The following PCDHGB3 variants were observed in gnomAD, a reference collection of about 807,000 sequenced individuals.
The protein encoded by PCDHGB3 is protocadherin gamma-B3.
PCDHGB3 carries 40 observed loss-of-function variants against 59.2 expected under a neutral mutation model. The ratio of observed to expected loss-of-function variants is 0.68; its 90% CI spans 0.52 to 0.88. The LOEUF is 0.88. Among genes scored for constraint, PCDHGB3 ranks in the 40% least tolerant of loss-of-function variants. The pLI is 0.00. For synonymous variants in PCDHGB3, 581 were observed against 503.6 expected, an observed-to-expected ratio of 1.15 and a Z score of -2.06; for missense variants, 1,309 against 1,187.9, an observed-to-expected ratio of 1.10 and a Z score of -1.50.
intron 1 of PCDHGB3, chr5:141,403,259 C>T: frequency 6.2e-7 from 1 of 1,613,866 alleles, no homozygotes; most frequent in Admixed American, 1.7e-5. Context: ...CCCGCGGTGT[C>T]TGGTGAACTT....
At chr5:141,463,834 A>G (rs1212299231) in intron 1 of PCDHGB3, among the ~76,000 whole-genome samples, 4 of 152,108 alleles carry the variant, frequency 2.6e-5, no homozygotes, top group East Asian at 1.9e-4. Flanking sequence ...TCCACTTCCC[A>G]GTTGTTATAG....
intron 1 of PCDHGB3, chr5:141,382,874 G>A (rs369372304): frequency 1.6e-5 from 24 of 1,523,072 alleles, no homozygotes; most frequent in Non-Finnish European, 1.8e-6. Context: ...CGAGATCGGC[G>A]CCTAAGCAAG....
intron 3 of PCDHGB3, 124 bp from the exon 4 acceptor site, chr5:141,510,823 C>A: frequency 6.4e-7 from 1 of 1,562,432 alleles, no homozygotes. Context: ...CCTATATTCC[C>A]AGTGCTCAGC....
intron 1 of PCDHGB3, among the ~76,000 whole-genome samples, chr5:141,439,495 C>A (rs142329128): frequency 6.6e-6 from 1 of 152,206 alleles, no homozygotes; most frequent in Non-Finnish European, 1.5e-5. Context: ...CAGTGAGAAA[C>A]GTCTTTCTCT....
chr5:141,389,834 A>G, intron 1 of PCDHGB3: 2 of 1,613,988 alleles, frequency 1.2e-6, no homozygotes, highest in Non-Finnish European at 1.7e-6. Context: ...GTGGACAGCC[A>G]CCACTCTCGG....
chr5:141,378,542 TAATA>T (rs1181738762), intron 1 of PCDHGB3: 54 of 152,104 alleles, frequency 3.6e-4, no homozygotes, highest in Admixed American at 3.5e-3. Flanking sequence ...TAATGATAAT[TAATA>T]AATAAAGAGT....
intron 1 of PCDHGB3, chr5:141,378,892 G>A (rs1477205995): frequency 1.3e-5 from 2 of 152,204 alleles, no homozygotes; most frequent in Non-Finnish European, 2.9e-5. Context: ...AAGGAGATAG[G>A]AGATTCTGTT....
chr5:141,420,229 C>A (rs1206296211), intron 1 of PCDHGB3: 1 of 1,600,344 alleles, frequency 6.2e-7, no homozygotes, highest in South Asian at 1.1e-5. Flanking sequence ...TACTGGCTAG[C>A]ATTTTAACTC....
intron 1 of PCDHGB3, chr5:141,426,609 G>A (rs1026143678): frequency 5.2e-6 from 2 of 382,862 alleles, no homozygotes; most frequent in African/African-American, 4.2e-5. Flanking sequence ...AGAGATTGTA[G>A]CAGAGAATCC....
In PCDHGB3 at chr5:141,432,976, C is replaced by T; in HGVS notation, c.2415+60167C>T. 1 of 1,614,210 alleles carries T rather than the reference C, an allele frequency of 6.2e-7. No individual in the cohort carries two copies. On this transcript the variant is annotated intron_variant, in intron 1 of 3. Transcript: ENST00000576222. The surrounding 1 kb of genome is among the most constrained non-coding windows in gnomAD (Gnocchi z 6.0). Reference sequence around the variant, plus strand: ...GCTTGACAGGAGCGCCGGCGTCGCACTTTGTGGGCGTGGACGGGGTGCAGG... The same window carrying T: ...GCTTGACAGGAGCGCCGGCGTCGCATTTTGTGGGCGTGGACGGGGTGCAGG...
intron 1 of PCDHGB3, chr5:141,402,899 G>A: frequency 6.6e-7 from 1 of 1,516,814 alleles, no homozygotes; most frequent in Non-Finnish European, 8.8e-7. Context: ...GAAAGAACCT[G>A]ATGAAGCAGC....
intron 1 of PCDHGB3, chr5:141,399,746 C>G (rs1478736881): frequency 2.5e-6 from 4 of 1,613,242 alleles, no homozygotes; most frequent in African/African-American, 2.7e-5. Context: ...GCGCTCAGCG[C>G]AAACGTGAGC....
At chr5:141,404,795 G>C (rs769293241) in intron 1 of PCDHGB3, 4 of 1,614,042 alleles carry the variant, frequency 2.5e-6, no homozygotes, top group Admixed American at 1.7e-5. Flanking sequence ...CAGTGAGCCA[G>C]GGCTCTTCTC....
chr5:141,403,465 G>A, intron 1 of PCDHGB3: 1 of 1,614,018 alleles, frequency 6.2e-7, no homozygotes, highest in Non-Finnish European at 8.5e-7. Context: ...AGAGCTACCA[G>A]CTCAGCCCCA....
At chr5:141,391,727 TTTGTAGTCATACTTA>T (rs1212107227) in intron 1 of PCDHGB3, 1 of 152,206 alleles carries the variant, frequency 6.6e-6, no homozygotes. Context: ...AACAGACTTT[TTTGTAGTCATACTTA>T]TCCTTTGGCT....
chr5:141,490,467 C>T lies in PCDHGB3; in HGVS notation c.2416-4340C>T. ...AGAACCACTACTCGCTGCTAACCAG[C>T]CAGCCTTTGGACCGGGAGGCCACAT... is the stretch of plus-strand genomic sequence containing the variant. On this transcript the variant is annotated intron_variant, in intron 1 of 3. Transcript: ENST00000576222. This position sits in a 1 kb window ranked among gnomAD's most constrained non-coding sequence, Gnocchi z 5.4. The T allele has an allele frequency of 6.2e-7, 1 of 1,614,216 alleles. No individual in the cohort carries two copies. The highest frequency in any genetic ancestry group is 8.5e-7 in the Non-Finnish European group (1 of 1,180,040).
intron 1 of PCDHGB3, chr5:141,404,403 A>C (rs767148207): frequency 6.2e-7 from 1 of 1,613,896 alleles, no homozygotes; most frequent in Admixed American, 1.7e-5. Context: ...AGCAATGAGA[A>C]TTCTAGAGTT....
intron 1 of PCDHGB3, chr5:141,423,427 G>A: frequency 1.2e-6 from 2 of 1,614,010 alleles, no homozygotes; most frequent in Non-Finnish European, 1.7e-6. Flanking sequence ...AGGCGGGTTG[G>A]CAGGTATGCC....
intron 1 of PCDHGB3, chr5:141,391,114 A>G (rs2092301730): frequency 6.6e-6 from 1 of 152,176 alleles, no homozygotes; most frequent in African/African-American, 2.4e-5. Context: ...TAATATAGCT[A>G]GAGGTCTTCT....
Sources: allele counts gnomAD v4.1 joint callset (sites outside exome capture counted in the v4.1 genomes callset), GRCh38; gene constraint gnomAD v4.1.1; non-coding constraint Gnocchi (gnomAD v3.1); transcripts MANE v1.5; gene names NCBI Gene and HGNC (gene_info 2026-07-23, HGNC 2026-07-21).